Variants in SDK2 observed in about 807,000 individuals in gnomAD.
The protein encoded by SDK2 is protein sidekick-2.
A neutral mutation model predicts 253.9 loss-of-function variants in SDK2; 105 were observed. The ratio of observed to expected loss-of-function variants is 0.41; its 90% CI spans 0.35 to 0.49. The LOEUF (loss-of-function observed/expected upper bound fraction) is 0.49. SDK2 is among the 20% of genes least tolerant of loss of function. SDK2 has a pLI of 0.06. For synonymous variants in SDK2, 1,249 were observed against 1,234.9 expected (o/e 1.01, Z -0.24); for missense variants, 2,608 against 3,003.0 (o/e 0.87, Z 3.07).
chr17:73,423,247 G>T (rs2077678876), intron 14 of SDK2, 139 bp downstream of exon 14: 3 of 764,504 alleles, frequency 3.9e-6, no homozygotes, highest in Non-Finnish European at 1.8e-6. Context: ...TCAGAGATGG[G>T]AACGCTGAGG....
intron 29 of SDK2, among the ~76,000 whole-genome samples, chr17:73,389,119 A>G (rs547378064): frequency 2.1e-4 from 30 of 145,664 alleles, no homozygotes; most frequent in Non-Finnish European, 4.1e-4. Flanking sequence ...CAATCCTTCT[A>G]CCTCGGCCTC....
At chr17:73,444,396 A>G (rs1471978221) in intron 5 of SDK2, among the ~76,000 whole-genome samples, 1 of 152,040 alleles carries the variant, frequency 6.6e-6, no homozygotes, top group East Asian at 1.9e-4. Context: ...CAAAGGCCAG[A>G]CCATGAAAAT....
At chr17:73,599,838 C>A (rs2045812208) in intron 1 of SDK2, among the ~76,000 whole-genome samples, 2 of 152,248 alleles carry the variant, frequency 1.3e-5, no homozygotes, top group Non-Finnish European at 2.9e-5. Context: ...GTCTCTGACA[C>A]AGGGGCCCAG....
In SDK2 at chr17:73,483,659, GTGTATA is replaced by G. The variant is rs1351864018; in HGVS notation, c.225-11447_225-11442del. Among the ~76,000 whole-genome samples, 233 of 28,102 alleles carry G rather than the reference GTGTATA, an allele frequency of 8.3e-3. 12 individuals are homozygous for G. The highest frequency in any genetic ancestry group is 0.063 in the East Asian group (81 of 1,294). 18.4% of individuals were successfully genotyped at this position (28,102 alleles called of 152,430 possible). On this transcript the variant is annotated intron_variant, in intron 2 of 44. Transcript: ENST00000392650. Reference sequence around the variant, plus strand: ...TATATATATGTGTGTGTGTGTGTGTGTGTATATATATATATATATATATTTATATAT... The same window carrying G: ...TATATATATGTGTGTGTGTGTGTGTGTATATATATATATATATTTATATAT...
chr17:73,465,587 T>C lies in SDK2; in HGVS notation c.331+6525A>G, dbSNP rs552884724. On this transcript the variant is annotated intron_variant, in intron 3 of 44. Coordinates refer to ENST00000392650, the MANE Select transcript of SDK2 (RefSeq NM_001144952.2). The surrounding 1 kb of genome is among the most constrained non-coding windows in gnomAD (Gnocchi z 4.2). The stretch of plus-strand genomic sequence containing the variant: ...AAAAACACAAAGAAGAGACTCCAAG[T>C]GGGGACAGGAAGGGGCTGGGGAGGG... Among the ~76,000 whole-genome samples, 98 of 151,536 alleles carry C rather than the reference T, an allele frequency of 6.5e-4. No individual in the cohort carries two copies. Among genetic ancestry groups the C allele is most frequent in the African/African-American group, 2.2e-3 (92 of 41,258 alleles).
intron 1 of SDK2, among the ~76,000 whole-genome samples, chr17:73,552,376 A>G (rs944411537): frequency 6.6e-6 from 1 of 152,236 alleles, no homozygotes; most frequent in Non-Finnish European, 1.5e-5. Context: ...TTTGTGAAAC[A>G]TATTTGAGAT....
chr17:73,558,361 A>T (rs2045176503), intron 1 of SDK2, among the ~76,000 whole-genome samples: 1 of 147,808 alleles, frequency 6.8e-6, no homozygotes, highest in African/African-American at 2.5e-5. Flanking sequence ...GCCCAGGTAG[A>T]GATGGAAAGA....
In SDK2 at chr17:73,507,447, A is replaced by G. The variant is rs1432227202; in HGVS notation, c.215T>C (p.Leu72Pro). Residue 72 changes from leucine (L) to proline (P), a missense_variant, in exon 2 of 45, where the codon CTG (leucine) becomes CCG (proline). Leu to Pro is a moderately conservative substitution (Grantham distance 98). Coordinates refer to ENST00000392650, the MANE Select transcript of SDK2 (RefSeq NM_001144952.2). ...GGGAGGGGCAGTTTACCTGTATTCC[A>G]GGGAGAACTTGGTCAGCTCCCTGTT... ...HNNRELTKFS[L>P]EYRYMITSLD... The G allele has an allele frequency of 2.6e-6, 4 of 1,550,892 alleles. No homozygotes were observed. The highest frequency in any genetic ancestry group is 2.4e-5 in the East Asian group (1 of 40,896).
intron 2 of SDK2, among the ~76,000 whole-genome samples, chr17:73,472,452 G>A (rs190062568): frequency 2.9e-4 from 44 of 152,328 alleles, no homozygotes; most frequent in Non-Finnish European, 4.9e-4. Flanking sequence ...GAATTAGCCT[G>A]CCCTTCTCCA....
Position 73,609,230 on chromosome 17 carries a change from G to A in SDK2, c.64+34795C>T, listed in dbSNP as rs2045945158. 6.6e-6 allele frequency among the ~76,000 whole-genome samples: 1 copy of A among 152,158 alleles called. No individual in the cohort carries two copies. Among genetic ancestry groups the A allele is most frequent in the African/African-American group, 2.4e-5 (1 of 41,412 alleles). ...CCTGGAGTGTGAGAGATGGGTCTGG[G>A]CTGGAGGGAATACACATGGGTATCG... On this transcript the variant is annotated intron_variant, in intron 1 of 44. Coordinates refer to ENST00000392650, the MANE Select transcript of SDK2 (RefSeq NM_001144952.2). The surrounding 1 kb of genome is among the most constrained non-coding windows in gnomAD (Gnocchi z 4.4).
chr17:73,623,308 A>G (rs2046156407), intron 1 of SDK2, among the ~76,000 whole-genome samples: 1 of 152,206 alleles, frequency 6.6e-6, no homozygotes, highest in South Asian at 2.1e-4. Context: ...TGATGCTCGG[A>G]GAGGCTGGGT....
chr17:73,361,611 C>T lies in SDK2; in HGVS notation c.5467+73G>A. 2.7e-6 allele frequency: 4 copies of T among 1,506,062 alleles called. No individual in the cohort carries two copies. Among genetic ancestry groups the T allele is most frequent in the Non-Finnish European group, 3.6e-6 (4 of 1,097,882 alleles). The allele number at this position is 1,506,062 out of a possible 1,614,324, so 93.3% of individuals were successfully genotyped here. On this transcript the variant is annotated intron_variant, in intron 39 of 44. Coordinates refer to ENST00000392650, the MANE Select transcript of SDK2 (RefSeq NM_001144952.2). This position sits in a 1 kb window ranked among gnomAD's most constrained non-coding sequence, Gnocchi z 4.1. ...TTCCAGGGTCCAGCACAGCTCTTGA[C>T]ACCGGGGGCCCCTTCTGACTGGGGA...
At chr17:73,392,745 G>T (rs1340835152) in intron 27 of SDK2, among the ~76,000 whole-genome samples, 1 of 152,088 alleles carries the variant, frequency 6.6e-6, no homozygotes, top group African/African-American at 2.4e-5. Flanking sequence ...AATGTCTGTG[G>T]TGGGCAGTAG....
At chr17:73,340,768 A>C (rs1379162011) in intron 44 of SDK2, among the ~76,000 whole-genome samples, 1 of 64,718 alleles carries the variant, frequency 1.5e-5, no homozygotes, top group Non-Finnish European at 2.7e-5. Flanking sequence ...TTTGAGATGG[A>C]GTTTTGCTCT....
chr17:73,388,111 G>A, intron 29 of SDK2, 74 bp from the exon 30 acceptor site: 1 of 1,021,800 alleles, frequency 9.8e-7, no homozygotes, highest in Non-Finnish European at 1.5e-6. Flanking sequence ...TTTCTCGAGG[G>A]AGGAAAGGAG....
At position 73,368,387 on chromosome 17, in the gene SDK2, C is replaced by T; in HGVS notation, c.5167+20G>A. On this transcript the variant is annotated intron_variant, in intron 37 of 44. Transcript: ENST00000392650. ...CCGTGGCCGACCTACCCCTCCCCTC[C>T]TCAGGGCCCCCTCTCCCACCTGCTT... 6.7e-7 allele frequency: 1 copy of T among 1,486,006 alleles called. No individual in the cohort carries two copies. The highest frequency in any genetic ancestry group is 1.3e-5 in the South Asian group (1 of 74,716). 92.1% of individuals were successfully genotyped at this position (1,486,006 alleles called of 1,614,324 possible). A position where few individuals can be genotyped will look rare whatever the true frequency, so the allele number is the denominator to read the frequency against.
intron 3 of SDK2, among the ~76,000 whole-genome samples, chr17:73,463,434 T>C (rs538409798): frequency 1.3e-5 from 2 of 152,318 alleles, no homozygotes; most frequent in East Asian, 3.9e-4. Flanking sequence ...TAATTATATG[T>C]ATAGTTTACA....
chr17:73,447,675 C>T lies in SDK2; in HGVS notation c.553G>A (p.Ala185Thr). The change falls in exon 5 of 45, where the codon GCT becomes ACT. Residue 185 changes from alanine (A) to threonine (T), a missense_variant. By Grantham distance (58) the Ala-to-Thr change is moderately conservative (BLOSUM62 0). This residue lies in a region of SDK2 where 1,505 missense variants were observed against 1,859.1 expected (regional missense o/e 0.81). Coordinates refer to ENST00000392650, the MANE Select transcript of SDK2 (RefSeq NM_001144952.2). The surrounding 1 kb of genome is among the most constrained non-coding windows in gnomAD (Gnocchi z 4.0). ...APDAGRYYVQ[A>T]VNDKNGDNKT... is the part of the protein sequence containing the mutation. ...TTATCCCCGTTTTTGTCGTTAACAG[C>T]CTGCACATAGTAGCGACCTGCGTCA... 1 of 1,551,772 alleles carries T rather than the reference C, an allele frequency of 6.4e-7. No homozygotes were observed. The highest frequency in any genetic ancestry group is 8.7e-7 in the Non-Finnish European group (1 of 1,147,018).
At chr17:73,406,654 C>T (rs940265049) in intron 18 of SDK2, among the ~76,000 whole-genome samples, 8 of 152,164 alleles carry the variant, frequency 5.3e-5, no homozygotes, top group African/African-American at 1.9e-4. Flanking sequence ...AGCTGATTTT[C>T]TCTGAATTTG....
Sources: gnomAD v4.1 joint callset for allele counts (sites outside exome capture counted in the v4.1 genomes callset) on GRCh38, gnomAD v4.1.1 for gene constraint, gnomAD v4.1.1 regional missense constraint, Gnocchi (gnomAD v3.1) non-coding constraint, MANE v1.5 for transcripts, NCBI Gene and HGNC (gene_info 2026-07-23, HGNC 2026-07-21) for gene names.